The following PRELID3A variants were observed in gnomAD, a reference collection of about 807,000 sequenced individuals.
PRELID3A encodes the protein PRELI domain containing 3A.
In PRELID3A, 27 loss-of-function variants were observed where a neutral mutation model predicts 23.0. The ratio of observed to expected loss-of-function variants is 1.17; its 90% CI spans 0.87 to 1.62. The LOEUF is 1.62. PRELID3A is among the 40% of genes most tolerant of loss of function. PRELID3A has a pLI of 0.00. For missense variants in PRELID3A, 231 were observed against 231.4 expected (o/e 1.00, Z 0.01); for synonymous variants, 87 against 86.4 (o/e 1.01, Z -0.04).
At chr18:12,429,124 GC>G (rs891293164) in intron 5 of PRELID3A, among the ~76,000 whole-genome samples, 2 of 152,186 alleles carry the variant, frequency 1.3e-5, no homozygotes, top group Non-Finnish European at 2.9e-5. Context: ...GCTAAGCCGG[GC>G]GCTGGTTTGC....
Position 12,408,008 on chromosome 18 carries a change from G to A in PRELID3A, c.32+1G>A. On this transcript the variant is annotated splice_donor_variant, in intron 1 of 6. Coordinates refer to ENST00000440960, the MANE Select transcript of PRELID3A (RefSeq NM_001142405.2). LOFTEE classifies it high-confidence loss of function. ...TCTGGAGCTCGGAGCACGTGTTTGG[G>A]TGAGGCCGGGCTGAGGGCCGCGGTG... 1 of 1,282,146 alleles carries A rather than the reference G, an allele frequency of 7.8e-7. No homozygotes were observed. The highest frequency in any genetic ancestry group is 1.5e-5 in the African/African-American group (1 of 64,562). The allele number at this position is 1,282,146 out of a possible 1,614,324, so 79.4% of individuals were successfully genotyped here. A position where few individuals can be genotyped will look rare whatever the true frequency, so the allele number is the denominator to read the frequency against.
chr18:12,424,116 CAA>C (rs1182044939), intron 3 of PRELID3A, among the ~76,000 whole-genome samples: 1 of 152,220 alleles, frequency 6.6e-6, no homozygotes, highest in African/African-American at 2.4e-5. Flanking sequence ...CCAGGCTGCA[CAA>C]AGTCACAGGA....
intron 1 of PRELID3A, among the ~76,000 whole-genome samples, chr18:12,408,336 G>A (rs1909794142): frequency 6.6e-6 from 1 of 151,180 alleles, no homozygotes; most frequent in African/African-American, 2.4e-5. Context: ...GGGGGCGGCC[G>A]GAGCCGGGGG....
chr18:12,430,274 G>C (rs1366821628), intron 6 of PRELID3A, among the ~76,000 whole-genome samples: 2 of 152,162 alleles, frequency 1.3e-5, no homozygotes, highest in African/African-American at 4.8e-5. Context: ...TCTGTGTGGT[G>C]TGTGGTGTGT....
intron 1 of PRELID3A, among the ~76,000 whole-genome samples, chr18:12,415,271 T>G (rs1335249165): frequency 1.3e-5 from 2 of 151,506 alleles, no homozygotes; most frequent in Non-Finnish European, 2.9e-5. Flanking sequence ...TTTTTTTGTT[T>G]TGTTTTGAGA....
rs151281451 is a variant in PRELID3A, at chr18:12,427,085, C to T, written c.336C>T (p.Tyr112=). The part of the protein sequence containing the change: ...NLVSVNERLV[Y]TPHPENPEMT... ...TGTCAGTTAATGAGAGGTTGGTGTACACACCTCATCCAGAGAACCCAGAAA... is the reference window on the plus strand; with the variant it reads ...TGTCAGTTAATGAGAGGTTGGTGTATACACCTCATCCAGAGAACCCAGAAA... The change falls in exon 4 of 7, where the codon TAC becomes TAT. Residue 112 remains tyrosine (Y), a synonymous_variant. Transcript: ENST00000440960. 487 of 1,613,484 alleles carry T rather than the reference C, an allele frequency of 3.0e-4. 2 individuals are homozygous for T. The African/African-American group carries it at 5.6e-3, about 19-fold the overall frequency.
At chr18:12,430,791 CAT>C (rs1373488415) in intron 6 of PRELID3A, among the ~76,000 whole-genome samples, 6 of 136,520 alleles carry the variant, frequency 4.4e-5, no homozygotes, top group South Asian at 2.4e-4. Context: ...GTATGATGTG[CAT>C]GTGTGTGATG....
intron 5 of PRELID3A, among the ~76,000 whole-genome samples, chr18:12,427,618 C>G (rs1454749597): frequency 6.6e-6 from 1 of 151,838 alleles, no homozygotes; most frequent in African/African-American, 2.4e-5. Context: ...TTGCTTGGAC[C>G]CATGAGGCGG....
At chr18:12,418,274 C>T (rs1412903732) in intron 1 of PRELID3A, among the ~76,000 whole-genome samples, 1 of 152,170 alleles carries the variant, frequency 6.6e-6, no homozygotes, top group Non-Finnish European at 1.5e-5. Flanking sequence ...AAAGTGAAAG[C>T]AATCTACATA....
At chr18:12,424,911 G>A (rs2030306265) in intron 3 of PRELID3A, among the ~76,000 whole-genome samples, 1 of 151,524 alleles carries the variant, frequency 6.6e-6, no homozygotes, top group Non-Finnish European at 1.5e-5. Flanking sequence ...AGGCAGGCAG[G>A]TCACCTGACT....
At position 12,408,602 on chromosome 18, in the gene PRELID3A, C is replaced by T. The variant is rs117296164; in HGVS notation, c.32+595C>T. On this transcript the variant is annotated intron_variant, in intron 1 of 6. Transcript: ENST00000440960. ...AACCTCGAACTGTTTAAAAATGCTC[C>T]CCCGGCACACGGATGGAAGTGGAGG... Among the ~76,000 whole-genome samples the T allele has an allele frequency of 3.5e-3, 533 of 152,186 alleles. 2 individuals carry two copies. Among genetic ancestry groups the T allele is most frequent in the Non-Finnish European group, 5.0e-3 (341 of 68,006 alleles).
At chr18:12,426,359 C>T (rs979923773) in intron 3 of PRELID3A, among the ~76,000 whole-genome samples, 2 of 150,846 alleles carry the variant, frequency 1.3e-5, no homozygotes, top group African/African-American at 2.4e-5. Context: ...TCGAGACCAT[C>T]CTGGCTAACA....
chr18:12,421,206 C>G (rs890627762), intron 2 of PRELID3A: 3 of 280,000 alleles, frequency 1.1e-5, no homozygotes, highest in South Asian at 1.1e-4. Context: ...ACACCCCCAC[C>G]CCAGCACTAT....
intron 6 of PRELID3A, 23 bp downstream of exon 6, chr18:12,429,459 T>TG (rs1030847337): frequency 1.8e-5 from 27 of 1,483,118 alleles, no homozygotes; most frequent in African/African-American, 2.8e-5. Context: ...TTCACTCACC[T>TG]GGGGGGGTAC....
chr18:12,411,465 CA>C lies in PRELID3A; in HGVS notation c.32+3478del, dbSNP rs398059054. On this transcript the variant is annotated intron_variant, in intron 1 of 6. Coordinates refer to ENST00000440960, the MANE Select transcript of PRELID3A (RefSeq NM_001142405.2). ...TGGGCGACAGAGCGAGACTCCGTCT[CA>C]AAAAAAAAAAAAAAAAAAAGGACAG... Among the ~76,000 whole-genome samples, 177 of 89,658 alleles carry C rather than the reference CA, an allele frequency of 2.0e-3. 1 individual carries two copies. Among genetic ancestry groups the C allele is most frequent in the East Asian group, 5.5e-3 (18 of 3,288 alleles). The allele number at this position is 89,658 out of a possible 152,430, so 58.8% of individuals were successfully genotyped here.
At chr18:12,427,587 C>T (rs574494393) in intron 5 of PRELID3A, among the ~76,000 whole-genome samples, 1 of 151,720 alleles carries the variant, frequency 6.6e-6, no homozygotes, top group Admixed American at 6.6e-5. Context: ...CCCAGCTACT[C>T]GAGAGTCTGA....
chr18:12,415,974 G>A lies in PRELID3A; in HGVS notation c.33-4351G>A, dbSNP rs2029938141. Among the ~76,000 whole-genome samples, 5 of 152,220 alleles carry A rather than the reference G, an allele frequency of 3.3e-5. No individual in the cohort carries two copies. In the South Asian group the frequency reaches 8.3e-4, roughly 25 times the overall value. On this transcript the variant is annotated intron_variant, in intron 1 of 6. Coordinates refer to ENST00000440960, the MANE Select transcript of PRELID3A (RefSeq NM_001142405.2). ...GATAGGATTCCCCAGAGGTCTCCAC[G>A]AACAGCAGCAGAGGAGGCTCCTGCC...
intron 1 of PRELID3A, among the ~76,000 whole-genome samples, chr18:12,409,324 G>A (rs535965992): frequency 1.3e-5 from 2 of 151,744 alleles, no homozygotes; most frequent in South Asian, 2.1e-4. Context: ...GGGCCATCAC[G>A]CCCGGCTAAT....
intron 5 of PRELID3A, among the ~76,000 whole-genome samples, chr18:12,428,109 G>A (rs1201605595): frequency 6.6e-6 from 1 of 152,184 alleles, no homozygotes; most frequent in Admixed American, 6.6e-5. Context: ...GCCTGCTGCC[G>A]TCTTCACAGC....
Sources: allele counts gnomAD v4.1 joint callset (sites outside exome capture counted in the v4.1 genomes callset), GRCh38; gene constraint gnomAD v4.1.1; transcripts MANE v1.5; gene names NCBI Gene and HGNC (gene_info 2026-07-23, HGNC 2026-07-21).